Variants in FAM184B observed in about 807,000 individuals in gnomAD.
The protein encoded by FAM184B is protein FAM184B.
A neutral mutation model predicts 135.9 loss-of-function variants in FAM184B; 111 were observed. The ratio of observed to expected loss-of-function variants is 0.82; its 90% CI spans 0.70 to 0.96. The LOEUF (loss-of-function observed/expected upper bound fraction) is 0.96. FAM184B is among the 40% of genes least tolerant of loss of function. The pLI, the probability that FAM184B is intolerant of heterozygous loss-of-function variation, is 0.00. For missense variants in FAM184B, 1,375 were observed against 1,323.9 expected (o/e 1.04, Z -0.60); for synonymous variants, 552 against 524.8 (o/e 1.05, Z -0.71).
intron 1 of FAM184B, among the ~76,000 whole-genome samples, chr4:17,729,793 G>C (rs1717732417): frequency 6.6e-6 from 1 of 152,174 alleles, no homozygotes; most frequent in South Asian, 2.1e-4. Context: ...ACCAAAAGTA[G>C]ATAAAACCAC....
intron 7 of FAM184B, among the ~76,000 whole-genome samples, chr4:17,673,809 T>A (rs1716248756): frequency 6.9e-6 from 1 of 145,060 alleles, no homozygotes; most frequent in African/African-American, 2.5e-5. Context: ...ACAAACTGAG[T>A]GCAGTGTATA....
chr4:17,719,251 C>A (rs574696975), intron 1 of FAM184B, among the ~76,000 whole-genome samples: 1 of 152,082 alleles, frequency 6.6e-6, no homozygotes, highest in South Asian at 2.1e-4. Flanking sequence ...ATCTGATAAT[C>A]GAGACAGCTA....
At chr4:17,752,623 G>T (rs1718329097) in intron 1 of FAM184B, among the ~76,000 whole-genome samples, 1 of 152,118 alleles carries the variant, frequency 6.6e-6, no homozygotes, top group Admixed American at 6.6e-5. Flanking sequence ...CCCAAAATCA[G>T]ACCACAGGAG....
At chr4:17,753,735 G>C (rs922436850) in intron 1 of FAM184B, among the ~76,000 whole-genome samples, 2 of 152,210 alleles carry the variant, frequency 1.3e-5, no homozygotes, top group African/African-American at 4.8e-5. Flanking sequence ...GTCCATAGAG[G>C]GTGATTTATT....
In FAM184B at chr4:17,631,269, C is replaced by G. The variant is rs1714931142; in HGVS notation, c.*1263G>C. 1 of 152,032 alleles carries G rather than the reference C, an allele frequency of 6.6e-6. No homozygotes were observed. Among genetic ancestry groups the G allele is most frequent in the Non-Finnish European group, 1.5e-5 (1 of 68,042 alleles). 9.4% of individuals were successfully genotyped at this position (152,032 alleles called of 1,614,324 possible). ...ATCTCACTATCTTGCCCAGGCTGGTCTCGAACTCTTGGGCTCATGCTGTCC... is the reference window on the plus strand; with the variant it reads ...ATCTCACTATCTTGCCCAGGCTGGTGTCGAACTCTTGGGCTCATGCTGTCC... On this transcript the variant is annotated 3_prime_UTR_variant, in exon 18 of 18. Transcript: ENST00000265018.
At chr4:17,703,813 C>T (rs1717045288) in intron 5 of FAM184B, among the ~76,000 whole-genome samples, 1 of 151,808 alleles carries the variant, frequency 6.6e-6, no homozygotes, top group South Asian at 2.1e-4. Flanking sequence ...TGCCTGTGGT[C>T]CCAGCTACTT....
At chr4:17,761,325 G>T (rs1280145332) in intron 1 of FAM184B, among the ~76,000 whole-genome samples, 1 of 152,198 alleles carries the variant, frequency 6.6e-6, no homozygotes, top group Admixed American at 6.5e-5. Context: ...GTCAGGAAGA[G>T]AGAAGAACCC....
In FAM184B at chr4:17,768,809, C is replaced by CT. The variant is rs113896675; in HGVS notation, c.141+12349dup. Reference sequence around the variant, plus strand: ...ATCAGTAAATGTTTATTTCTTTTTTCTTTTTTTTTTTTGAGATGGAGTTTT... The same window carrying CT: ...ATCAGTAAATGTTTATTTCTTTTTTCTTTTTTTTTTTTTGAGATGGAGTTTT... On this transcript the variant is annotated intron_variant, in intron 1 of 17. Coordinates refer to ENST00000265018, the MANE Select transcript of FAM184B (RefSeq NM_015688.2). Among the ~76,000 whole-genome samples, 908 of 144,566 alleles carry CT rather than the reference C, an allele frequency of 6.3e-3. 18 individuals are homozygous for CT. Among genetic ancestry groups the CT allele is most frequent in the South Asian group, 0.054 (248 of 4,598 alleles). 94.8% of individuals were successfully genotyped at this position (144,566 alleles called of 152,430 possible).
intron 3 of FAM184B, among the ~76,000 whole-genome samples, 176 bp from the exon 4 acceptor site, chr4:17,706,067 C>G (rs1180816715): frequency 5.3e-5 from 8 of 152,234 alleles, no homozygotes; most frequent in Non-Finnish European, 1.2e-4. Context: ...CAATTCTCAT[C>G]TCTTCTCAAG....
intron 7 of FAM184B, among the ~76,000 whole-genome samples, chr4:17,686,062 G>A (rs927797564): frequency 6.6e-6 from 1 of 152,082 alleles, no homozygotes; most frequent in African/African-American, 2.4e-5. Flanking sequence ...AGCCAACTCC[G>A]GTCCATCTCC....
intron 1 of FAM184B, among the ~76,000 whole-genome samples, chr4:17,721,382 T>TAAAAAAAAAAAAAA (rs1717522850): frequency 5.5e-4 from 2 of 3,628 alleles, no homozygotes; most frequent in Non-Finnish European, 2.4e-3. Context: ...AGATTCTGTC[T>TAAAAAAAAAAAAAA]CAAAAAAAAA....
At chr4:17,716,585 A>G (rs1717404872) in intron 1 of FAM184B, among the ~76,000 whole-genome samples, 1 of 152,110 alleles carries the variant, frequency 6.6e-6, no homozygotes, top group Non-Finnish European at 1.5e-5. Context: ...GGCTCAAGTC[A>G]TCTGCTCGCC....
chr4:17,632,633 CA>C lies in FAM184B; in HGVS notation c.3090-9del. On this transcript the variant is annotated splice_polypyrimidine_tract_variant and intron_variant, in intron 17 of 17. Coordinates refer to ENST00000265018, the MANE Select transcript of FAM184B (RefSeq NM_015688.2). ...GTTTCACCATCTGGGGTCCTAAAAG[CA>C]AAAAAAGGTTTTTTTATATGGTTTT... 1 of 1,527,460 alleles carries C rather than the reference CA, an allele frequency of 6.5e-7. No individual in the cohort carries two copies. The highest frequency in any genetic ancestry group is 1.2e-5 in the South Asian group (1 of 82,754). 94.6% of individuals were successfully genotyped at this position (1,527,460 alleles called of 1,614,324 possible). A position where few individuals can be genotyped will look rare whatever the true frequency, so the allele number is the denominator to read the frequency against.
chr4:17,739,555 G>GTTTTTTGTTTTTT (rs1717980699), intron 1 of FAM184B, among the ~76,000 whole-genome samples: 1 of 62,510 alleles, frequency 1.6e-5, no homozygotes, highest in Non-Finnish European at 2.7e-5. Flanking sequence ...CATACCAACT[G>GTTTTTTGTTTTTT]TTTTTTTTTT....
In FAM184B at chr4:17,633,804, G is replaced by A. The variant is rs1487370157; in HGVS notation, c.2974C>T (p.Leu992=). ...SYAKNFLSGD[L]SSRINAPPIT... is the part of the protein sequence containing the mutation. ...GGAGGGGCATTAATCCTGGAACTCA[G>A]ATCGCCACTCAGAAAGTTCTTTGCA... Residue 992 remains leucine, a synonymous_variant, in exon 17 of 18, where the codon CTG becomes TTG. Transcript: ENST00000265018. 7 of 1,551,628 alleles carry A rather than the reference G, an allele frequency of 4.5e-6. No individual in the cohort carries two copies. The highest frequency in any genetic ancestry group is 6.1e-6 in the Non-Finnish European group (7 of 1,146,966).
intron 1 of FAM184B, among the ~76,000 whole-genome samples, chr4:17,752,369 G>T (rs1299125414): frequency 6.6e-6 from 1 of 152,140 alleles, no homozygotes; most frequent in African/African-American, 2.4e-5. Flanking sequence ...TGGGCAGAAG[G>T]CTGGATGGGA....
At chr4:17,774,714 G>A (rs914819037) in intron 1 of FAM184B, among the ~76,000 whole-genome samples, 1 of 152,158 alleles carries the variant, frequency 6.6e-6, no homozygotes, top group African/African-American at 2.4e-5. Flanking sequence ...ATGGGCCTGG[G>A]CCCTGTATGC....
At chr4:17,647,898 G>A in intron 11 of FAM184B, 107 bp from the exon 12 acceptor site, 13 of 1,311,242 alleles carry the variant, frequency 9.9e-6, no homozygotes, top group Non-Finnish European at 1.2e-5. Flanking sequence ...GGTGGCTGCT[G>A]AAGGCTTGTG....
intron 11 of FAM184B, among the ~76,000 whole-genome samples, chr4:17,652,528 C>T (rs1442186966): frequency 6.6e-6 from 1 of 152,194 alleles, no homozygotes; most frequent in African/African-American, 2.4e-5. Context: ...GTAAGCCATC[C>T]CAGGTTTCAC....
Sources: gnomAD v4.1 joint callset for allele counts (sites outside exome capture counted in the v4.1 genomes callset) on GRCh38, gnomAD v4.1.1 for gene constraint, MANE v1.5 for transcripts, NCBI Gene and HGNC (gene_info 2026-07-23, HGNC 2026-07-21) for gene names.